Variants in ASB3 observed in about 807,000 individuals in gnomAD.
ASB3 encodes ankyrin repeat and SOCS box containing 3.
In ASB3, 41 loss-of-function variants were observed where a neutral mutation model predicts 54.5. The ratio of observed to expected loss-of-function variants is 0.75; its 90% CI spans 0.59 to 0.98. The LOEUF is 0.98. Ranked by LOEUF, ASB3 falls within the 50% of genes least tolerant of loss-of-function variation. The probability of loss-of-function intolerance (pLI) is 0.00; values close to 1 mark genes in which losing one functional copy is unlikely to be tolerated. For synonymous variants in ASB3, 266 were observed against 221.2 expected, an observed-to-expected ratio of 1.20 and a Z score of -1.80; for missense variants, 733 against 620.0, an observed-to-expected ratio of 1.18 and a Z score of -1.94.
In ASB3 at chr2:53,776,503, A is replaced by T. The variant is rs369020828; in HGVS notation, c.-14+10318T>A. ...ATTCAGCTTTTGGCAATCTATTTTT[A>T]TGGATTTCTAAAACCTTGAATTTGG... is the stretch of plus-strand genomic sequence containing the variant. On this transcript the variant is annotated intron_variant, in intron 1 of 9. Transcript: ENST00000263634. Among the ~76,000 whole-genome samples, 20 of 152,232 alleles carry T rather than the reference A, an allele frequency of 1.3e-4. No individual in the cohort carries two copies. In the East Asian group the frequency reaches 1.5e-3, roughly 12 times the overall value.
chr2:53,698,554 C>T (rs1669311678), intron 8 of ASB3, among the ~76,000 whole-genome samples: 1 of 152,166 alleles, frequency 6.6e-6, no homozygotes, highest in African/African-American at 2.4e-5. Flanking sequence ...GTTATTTCTC[C>T]CACCAGATAG....
chr2:53,753,386 A>C (rs189848594), intron 2 of ASB3, among the ~76,000 whole-genome samples: 23 of 152,280 alleles, frequency 1.5e-4, no homozygotes, highest in African/African-American at 5.5e-4. Flanking sequence ...ACTGTTGGAG[A>C]GGAAGGTTAC....
intron 3 of ASB3, among the ~76,000 whole-genome samples, chr2:53,734,514 G>C (rs553407922): frequency 6.6e-6 from 1 of 152,176 alleles, no homozygotes; most frequent in South Asian, 2.1e-4. Context: ...TGCCTATTAT[G>C]TACCAGGTAA....
At chr2:53,676,829 G>A (rs1432159066) in intron 9 of ASB3, among the ~76,000 whole-genome samples, 1 of 152,200 alleles carries the variant, frequency 6.6e-6, no homozygotes, top group African/African-American at 2.4e-5. Flanking sequence ...GAGTGCAGTG[G>A]CACGATCTCA....
chr2:53,757,928 T>C (rs532248891), intron 2 of ASB3, among the ~76,000 whole-genome samples: 1 of 152,276 alleles, frequency 6.6e-6, no homozygotes, highest in Admixed American at 6.5e-5. Context: ...CATGACCCAG[T>C]ACTTTAACAA....
chr2:53,763,499 A>G (rs961730806), intron 2 of ASB3: 4 of 169,450 alleles, frequency 2.4e-5, no homozygotes, highest in African/African-American at 9.6e-5. Context: ...ATGTGTGTAT[A>G]GGACGTTTTC....
At chr2:53,672,608 C>T (rs2103620509) in intron 9 of ASB3, among the ~76,000 whole-genome samples, 1 of 152,264 alleles carries the variant, frequency 6.6e-6, no homozygotes, top group South Asian at 2.1e-4. Context: ...CCACAACAAC[C>T]ATACATACTT....
intron 1 of ASB3, chr2:53,768,072 C>T (rs1206267012): frequency 1.9e-6 from 3 of 1,599,448 alleles, no homozygotes; most frequent in African/African-American, 2.7e-5. Flanking sequence ...CCCCTGCTCC[C>T]CAACTCCACA....
At chr2:53,706,540 G>A (rs531546613) in intron 7 of ASB3, among the ~76,000 whole-genome samples, 6 of 151,962 alleles carry the variant, frequency 3.9e-5, no homozygotes, top group South Asian at 2.1e-4. Flanking sequence ...CTGCCTCCCC[G>A]GTTCACGCCA....
intron 1 of ASB3, among the ~76,000 whole-genome samples, chr2:53,781,333 G>C (rs962841645): frequency 4.4e-4 from 67 of 151,272 alleles, no homozygotes; most frequent in Non-Finnish European, 1.9e-4. Context: ...GATCACTTTA[G>C]CCCAGGAGGT....
Position 53,728,785 on chromosome 2 carries a change from G to T in ASB3, c.531C>A (p.Asp177Glu). ...RKGANKECQD[D>E]FGITPLFVAA... ...CCACAAATAAAGGTGTGATTCCAAA[G>T]TCATCCTGGCATTCCTTGTTTGCTC... is the stretch of plus-strand genomic sequence containing the variant. The change falls in exon 5 of 10, where the codon GAC becomes GAA. Residue 177 changes from aspartate to glutamate, a missense_variant. Coordinates refer to ENST00000263634, the MANE Select transcript of ASB3 (RefSeq NM_016115.5). 6.2e-7 allele frequency: 1 copy of T among 1,612,606 alleles called. No individual in the cohort carries two copies.
intron 9 of ASB3, among the ~76,000 whole-genome samples, chr2:53,688,445 CAT>C (rs1173538853): frequency 6.6e-6 from 1 of 152,206 alleles, no homozygotes; most frequent in Admixed American, 6.5e-5. Context: ...TTGCCTCAAT[CAT>C]GTAACAATCA....
intron 9 of ASB3, among the ~76,000 whole-genome samples, chr2:53,676,833 G>A (rs959488190): frequency 3.9e-5 from 6 of 152,166 alleles, no homozygotes; most frequent in Non-Finnish European, 5.9e-5. Flanking sequence ...GCAGTGGCAC[G>A]ATCTCAGCTC....
chr2:53,700,992 T>G (rs1464432907), intron 7 of ASB3, among the ~76,000 whole-genome samples: 1 of 152,238 alleles, frequency 6.6e-6, no homozygotes, highest in African/African-American at 2.4e-5. Context: ...TTTATTTTTC[T>G]AGATACAGGG....
intron 6 of ASB3, among the ~76,000 whole-genome samples, chr2:53,715,145 T>C (rs560479253): frequency 7.9e-5 from 12 of 152,272 alleles, no homozygotes; most frequent in African/African-American, 2.4e-4. Flanking sequence ...TCATTAAATA[T>C]GGAGGCAGAT....
chr2:53,716,840 C>A, intron 5 of ASB3, 97 bp from the exon 6 acceptor site: 3 of 1,336,900 alleles, frequency 2.2e-6, no homozygotes, highest in South Asian at 1.7e-5. Flanking sequence ...TTTCGTAGCA[C>A]GGTAAGCTTT....
Position 53,729,554 on chromosome 2 carries a change from C to T in ASB3, c.372G>A (p.Gln124=). The change falls in exon 4 of 10, where the codon CAG becomes CAA. Residue 124 remains glutamine (Q), a synonymous_variant. Transcript: ENST00000263634. The part of the protein sequence containing the change: ...TPLFLAVENG[Q]IDVLRLLLQH... ...GAAGCAACAGCCTTAACACATCTAT[C>T]TGTCCATTTTCAACAGCTGTAATAC... is the stretch of plus-strand genomic sequence containing the variant. 1.2e-6 allele frequency: 2 copies of T among 1,613,798 alleles called. No homozygotes were observed. Among genetic ancestry groups the T allele is most frequent in the African/African-American group, 1.3e-5 (1 of 75,034 alleles).
chr2:53,683,042 T>C (rs1428801312), intron 9 of ASB3, among the ~76,000 whole-genome samples: 2 of 152,316 alleles, frequency 1.3e-5, no homozygotes, highest in South Asian at 2.1e-4. Flanking sequence ...GTGGGCATCT[T>C]TGTCATGTTC....
intron 1 of ASB3, among the ~76,000 whole-genome samples, chr2:53,766,571 C>T (rs1332594335): frequency 6.6e-6 from 1 of 152,040 alleles, no homozygotes; most frequent in Non-Finnish European, 1.5e-5. Flanking sequence ...ATAACACAAG[C>T]AACTTCAAAT....
Sources: allele counts gnomAD v4.1 joint callset (sites outside exome capture counted in the v4.1 genomes callset), GRCh38; gene constraint gnomAD v4.1.1; transcripts MANE v1.5; gene names NCBI Gene and HGNC (gene_info 2026-07-23, HGNC 2026-07-21).